DBH: variants seen among roughly 807,000 people sequenced by gnomAD.
DBH encodes dopamine beta-hydroxylase.
In DBH, 49 loss-of-function variants were observed where a neutral mutation model predicts 64.0. The ratio of observed to expected loss-of-function variants is 0.77; its 90% confidence interval spans 0.61 to 0.97. The LOEUF is 0.97. DBH is among the 50% of genes least tolerant of loss of function. DBH has a pLI of 0.00. For synonymous variants in DBH, 343 were observed against 347.1 expected (o/e 0.99, Z 0.13); for missense variants, 828 against 826.6 (o/e 1.00, Z -0.02).
chr9:133,651,562 C>T (rs567350609), intron 6 of DBH, 72 bp from the exon 7 acceptor site: 24 of 1,596,080 alleles, frequency 1.5e-5, no homozygotes, highest in Admixed American at 1.3e-4. Context: ...TGCTCCCTAC[C>T]GGGTCCTGGC....
rs3025399 is a variant in DBH at position 133,643,852 on chromosome 9, A to G, written c.921+263A>G. Reference sequence around the variant, plus strand: ...CAGTGGGTCCTGATTCTGTTTCCCAACTGGAGTCAGGGTTTTGTGTACAGG... The same window carrying G: ...CAGTGGGTCCTGATTCTGTTTCCCAGCTGGAGTCAGGGTTTTGTGTACAGG... On this transcript the variant is annotated intron_variant, in intron 4 of 11. Coordinates refer to ENST00000393056, the MANE Select transcript of DBH (RefSeq NM_000787.4). The surrounding 1 kb of genome is among the most constrained non-coding windows in gnomAD (Gnocchi z 5.3). Among the ~76,000 whole-genome samples the G allele has an allele frequency of 6.6e-6, 1 of 151,978 alleles. No homozygotes were observed. The highest frequency in any genetic ancestry group is 2.4e-5 in the African/African-American group (1 of 41,362).
chr9:133,639,919 G>A lies in DBH; in HGVS notation c.413G>A (p.Arg138Lys). The change falls in exon 2 of 12, where the codon AGG (arginine) becomes AAG (lysine). Residue 138 changes from arginine to lysine, a missense_variant. By Grantham distance (26) the Arg-to-Lys change is conservative (BLOSUM62 2). Transcript: ENST00000393056. Reference sequence around the variant, plus strand: ...GACTACCAGCTGCTGCAGGTGCAGAGGACCCCAGAAGGCCTGACCCTGCTT... The same window carrying A: ...GACTACCAGCTGCTGCAGGTGCAGAAGACCCCAGAAGGCCTGACCCTGCTT... Reference protein sequence around the residue: ...QQDYQLLQVQRTPEGLTLLFK... With the variant: ...QQDYQLLQVQKTPEGLTLLFK... The A allele has an allele frequency of 1.2e-6, 2 of 1,613,706 alleles. No homozygotes were observed. The highest frequency in any genetic ancestry group is 1.1e-5 in the South Asian group (1 of 90,970).
Position 133,643,215 on chromosome 9 carries a change from C to T in DBH, c.745-198C>T, listed in dbSNP as rs2131285498. Among the ~76,000 whole-genome samples, 3 of 152,054 alleles carry T rather than the reference C, an allele frequency of 2.0e-5. No individual in the cohort carries two copies. The highest frequency in any genetic ancestry group is 2.0e-4 in the Admixed American group (3 of 15,296). On this transcript the variant is annotated intron_variant, in intron 3 of 11. Coordinates refer to ENST00000393056, the MANE Select transcript of DBH (RefSeq NM_000787.4). The surrounding 1 kb of genome is among the most constrained non-coding windows in gnomAD (Gnocchi z 5.3). Reference sequence around the variant, plus strand: ...GCCTGTACGAACCTCATTTCCTTCACTCTGGAGCTGCCTACGGGATTTCTT... The same window carrying T: ...GCCTGTACGAACCTCATTTCCTTCATTCTGGAGCTGCCTACGGGATTTCTT...
chr9:133,648,096 G>T (rs984944550), intron 6 of DBH, 84 bp downstream of exon 6: 1 of 1,479,824 alleles, frequency 6.8e-7, no homozygotes, highest in Non-Finnish European at 9.1e-7. Context: ...CCCACGAAGG[G>T]TGGCAGGCAC....
chr9:133,652,292 C>A lies in DBH; in HGVS notation c.1374+8C>A. ...GTCGTGTCGGTCCATCCGGTGAGTG[C>A]CCAGCGGGAAGGCTGTCCCACTCAC... On this transcript the variant is annotated splice_region_variant and intron_variant, in intron 8 of 11. Transcript: ENST00000393056. The A allele has an allele frequency of 1.9e-6, 3 of 1,613,030 alleles. No individual in the cohort carries two copies. The highest frequency in any genetic ancestry group is 2.5e-6 in the Non-Finnish European group (3 of 1,180,000).
chr9:133,650,796 C>T (rs919652046), intron 6 of DBH, among the ~76,000 whole-genome samples: 16 of 152,080 alleles, frequency 1.1e-4, no homozygotes, highest in Non-Finnish European at 1.2e-4. Context: ...GATCCATGTG[C>T]CTCAGCCTCC....
Position 133,643,631 on chromosome 9 carries a change from C to A in DBH, c.921+42C>A. 1.3e-6 allele frequency: 2 copies of A among 1,596,656 alleles called. No homozygotes were observed. Among genetic ancestry groups the A allele is most frequent in the Middle Eastern group, 1.7e-4 (1 of 6,028 alleles). On this transcript the variant is annotated intron_variant, in intron 4 of 11. Coordinates refer to ENST00000393056, the MANE Select transcript of DBH (RefSeq NM_000787.4). The surrounding 1 kb of genome is among the most constrained non-coding windows in gnomAD (Gnocchi z 5.3). ...CCCAGCATGGTGTCTCCTGCCTGGG[C>A]CCCTGGCATCCCCACACCTCTGTTT...
At chr9:133,657,636 G>C (rs911302408) in intron 11 of DBH, among the ~76,000 whole-genome samples, 8 of 152,186 alleles carry the variant, frequency 5.3e-5, no homozygotes, top group African/African-American at 1.9e-4. Flanking sequence ...GCACTAACCT[G>C]CCTAAAAATA....
rs1564215691 is a variant in DBH at position 133,657,418 on chromosome 9, GAGAGA to G, written c.1722+190_1722+194del. The G allele has an allele frequency of 2.9e-3, 967 of 331,364 alleles. 7 individuals are homozygous for G. In the African/African-American group the frequency reaches 0.068, roughly 23 times the overall value. The allele number at this position is 331,364 out of a possible 1,614,324, so 20.5% of individuals were successfully genotyped here. A position where few individuals can be genotyped will look rare whatever the true frequency, so the allele number is the denominator to read the frequency against. On this transcript the variant is annotated intron_variant, in intron 11 of 11. Coordinates refer to ENST00000393056, the MANE Select transcript of DBH (RefSeq NM_000787.4). The stretch of plus-strand genomic sequence containing the variant: ...GCCAGCAGAGAGAGAGGAGAGAGGA[GAGAGA>G]GGAGAGAGAGGAGAGAGAGGAGAGA...
rs752898527 is a variant in DBH, at chr9:133,644,339, ATCC to A, written c.1024+25_1024+27del. On this transcript the variant is annotated intron_variant, in intron 5 of 11. Transcript: ENST00000393056. ...ATAGAAGGTAGGCGGCTCTGCTGCC[ATCC>A]TCCTCAGAAGCCCTAGGACTCAGCT... 43 of 1,591,498 alleles carry A rather than the reference ATCC, an allele frequency of 2.7e-5. No homozygotes were observed. Among genetic ancestry groups the A allele is most frequent in the East Asian group, 2.2e-4 (10 of 44,798 alleles).
At chr9:133,641,245 C>T (rs543596633) in intron 2 of DBH, among the ~76,000 whole-genome samples, 11 of 152,282 alleles carry the variant, frequency 7.2e-5, no homozygotes, top group African/African-American at 1.7e-4. Context: ...GGCCCGGAGA[C>T]GGGGAGTGGA....
At chr9:133,646,559 CTG>C (rs1832184313) in intron 5 of DBH, among the ~76,000 whole-genome samples, 1 of 152,188 alleles carries the variant, frequency 6.6e-6, no homozygotes, top group Admixed American at 6.5e-5. Flanking sequence ...AAATCTCACT[CTG>C]TCACCCAGGC....
At chr9:133,639,283 G>C (rs1358668444) in intron 1 of DBH, among the ~76,000 whole-genome samples, 4 of 151,772 alleles carry the variant, frequency 2.6e-5, no homozygotes, top group African/African-American at 7.3e-5. Context: ...ATAAAGCAGT[G>C]CTTGTTCTCA....
intron 10 of DBH, 128 bp downstream of exon 10, chr9:133,656,778 C>T: frequency 6.6e-6 from 8 of 1,210,888 alleles, no homozygotes; most frequent in Non-Finnish European, 9.4e-6. Flanking sequence ...GTGGCGGCAT[C>T]ACTCACCCCT....
At chr9:133,638,086 G>C (rs754802641) in intron 1 of DBH, among the ~76,000 whole-genome samples, 2 of 152,242 alleles carry the variant, frequency 1.3e-5, no homozygotes, top group African/African-American at 4.8e-5. Context: ...TGCATTTCCC[G>C]GCTGCTAGGG....
At chr9:133,639,741 T>C in intron 1 of DBH, 105 bp from the exon 2 acceptor site, 1 of 1,276,974 alleles carries the variant, frequency 7.8e-7, no homozygotes, top group Non-Finnish European at 1.1e-6. Context: ...CATCCCCAGA[T>C]CAGCTGGCAA....
At position 133,651,704 on chromosome 9, in the gene DBH, TCA is replaced by T; in HGVS notation, c.1265_1266del (p.Thr422SerfsTer154). Reference sequence around the variant, plus strand: ...ACACACCTGACTGGGAGAAAGGTGGTCACAGTGCTGGTCCGGGACGGCCGGGA... The same window carrying T: ...ACACACCTGACTGGGAGAAAGGTGGTCAGTGCTGGTCCGGGACGGCCGGGA... On this transcript the variant is annotated frameshift_variant, in exon 7 of 12. Transcript: ENST00000393056. LOFTEE classifies it high-confidence loss of function. 1 of 1,613,996 alleles carries T rather than the reference TCA, an allele frequency of 6.2e-7. No homozygotes were observed. The highest frequency in any genetic ancestry group is 8.5e-7 in the Non-Finnish European group (1 of 1,180,010).
intron 9 of DBH, 56 bp from the exon 10 acceptor site, chr9:133,656,467 G>T: frequency 6.2e-7 from 1 of 1,612,020 alleles, no homozygotes; most frequent in East Asian, 2.2e-5. Flanking sequence ...AAAGCTGCTG[G>T]ATGGCAGCGT....
chr9:133,645,247 T>C (rs1832169499), intron 5 of DBH, among the ~76,000 whole-genome samples: 1 of 152,022 alleles, frequency 6.6e-6, no homozygotes, highest in Non-Finnish European at 1.5e-5. Context: ...TGTGGTTTTT[T>C]TTTTTTTTCC....
Sources: allele counts gnomAD v4.1 joint callset (sites outside exome capture counted in the v4.1 genomes callset), GRCh38; gene constraint gnomAD v4.1.1; non-coding constraint Gnocchi (gnomAD v3.1); transcripts MANE v1.5; gene names NCBI Gene and HGNC (gene_info 2026-07-23, HGNC 2026-07-21).